Variants in CLSTN2 observed in about 807,000 individuals in gnomAD.
The protein encoded by CLSTN2 is calsyntenin 2.
A neutral mutation model predicts 101.2 loss-of-function variants in CLSTN2; 48 were observed. That is an observed-to-expected ratio of 0.47 (90% CI 0.38 to 0.60). The LOEUF (loss-of-function observed/expected upper bound fraction) is 0.60. CLSTN2 is among the 20% of genes least tolerant of loss of function. The pLI, the probability that CLSTN2 is intolerant of heterozygous loss-of-function variation, is 0.00. For synonymous variants in CLSTN2, 481 were observed against 463.6 expected, an observed-to-expected ratio of 1.04 and a Z score of -0.48; for missense variants, 1,160 against 1,238.2, an observed-to-expected ratio of 0.94 and a Z score of 0.95.
intron 1 of CLSTN2, among the ~76,000 whole-genome samples, chr3:140,043,735 C>T (rs1269404980): frequency 6.6e-6 from 1 of 152,164 alleles, no homozygotes; most frequent in Non-Finnish European, 1.5e-5. Context: ...TTTCAGCTTT[C>T]TACATATGGC....
chr3:140,480,809 T>A (rs1392976909), intron 8 of CLSTN2, among the ~76,000 whole-genome samples: 3 of 152,270 alleles, frequency 2.0e-5, no homozygotes, highest in Non-Finnish European at 4.4e-5. Context: ...TTTTTTCTCG[T>A]AAATTTGTTG....
chr3:140,135,117 CATATATATATATATAT>C (rs66931848), intron 1 of CLSTN2, among the ~76,000 whole-genome samples: 51 of 58,108 alleles, frequency 8.8e-4, no homozygotes, highest in East Asian at 2.3e-3. Flanking sequence ...CACACACACA[CATATATATATATATAT>C]ATATATATAT....
At chr3:140,477,778 C>T (rs1317702306) in intron 8 of CLSTN2, among the ~76,000 whole-genome samples, 1 of 152,206 alleles carries the variant, frequency 6.6e-6, no homozygotes, top group African/African-American at 2.4e-5. Flanking sequence ...TATATTTCTT[C>T]ATTTGTCGAT....
chr3:140,212,663 T>C (rs9826117), intron 2 of CLSTN2, among the ~76,000 whole-genome samples: 147,240 of 152,334 alleles, frequency 0.97, 71,349 homozygotes, highest in East Asian at 1. Context: ...ATATCTCTTG[T>C]TTCACCTTTC....
At chr3:140,070,591 A>AT (rs1160637320) in intron 1 of CLSTN2, among the ~76,000 whole-genome samples, 1 of 151,886 alleles carries the variant, frequency 6.6e-6, no homozygotes, top group Non-Finnish European at 1.5e-5. Flanking sequence ...GAAAGAGTAT[A>AT]TTTTTTGGAT....
At chr3:140,016,328 A>C (rs1314289897) in intron 1 of CLSTN2, among the ~76,000 whole-genome samples, 1 of 152,208 alleles carries the variant, frequency 6.6e-6, no homozygotes, top group Non-Finnish European at 1.5e-5. Context: ...GTGGTTATAC[A>C]TTCAATTTAA....
At chr3:140,302,817 A>G (rs1018594811) in intron 2 of CLSTN2, among the ~76,000 whole-genome samples, 2 of 152,178 alleles carry the variant, frequency 1.3e-5, no homozygotes, top group African/African-American at 2.4e-5. Context: ...AGACAGAGAA[A>G]GGTGGCTTGT....
chr3:140,326,592 AT>A (rs1234856894), intron 2 of CLSTN2, among the ~76,000 whole-genome samples: 2 of 152,204 alleles, frequency 1.3e-5, no homozygotes, highest in East Asian at 3.8e-4. Context: ...ATTCAAGGCT[AT>A]GGTTTATTTT....
At chr3:140,429,430 T>G (rs2088605080) in intron 5 of CLSTN2, among the ~76,000 whole-genome samples, 1 of 152,044 alleles carries the variant, frequency 6.6e-6, no homozygotes, top group African/African-American at 2.4e-5. Context: ...AATACTGGGC[T>G]TTAGCACAGA....
intron 1 of CLSTN2, among the ~76,000 whole-genome samples, chr3:139,991,725 A>G (rs1286572234): frequency 6.6e-6 from 1 of 152,246 alleles, no homozygotes; most frequent in Admixed American, 6.5e-5. Flanking sequence ...AACTTGACTC[A>G]AACTGGCTCG....
At chr3:140,370,202 C>G (rs2087835161) in intron 2 of CLSTN2, among the ~76,000 whole-genome samples, 1 of 152,198 alleles carries the variant, frequency 6.6e-6, no homozygotes, top group Admixed American at 6.5e-5. Context: ...TTCAATTACT[C>G]ACCATTGAGG....
intron 2 of CLSTN2, among the ~76,000 whole-genome samples, chr3:140,254,879 AAAT>A (rs1298406067): frequency 6.6e-6 from 1 of 152,142 alleles, no homozygotes; most frequent in African/African-American, 2.4e-5. Context: ...ACAACCTACA[AAAT>A]GGGGGAAAAT....
intron 2 of CLSTN2, among the ~76,000 whole-genome samples, chr3:140,380,735 T>A (rs2087971887): frequency 6.6e-6 from 1 of 152,198 alleles, no homozygotes; most frequent in African/African-American, 2.4e-5. Context: ...CACCATCTGC[T>A]GGAACCAATC....
intron 1 of CLSTN2, among the ~76,000 whole-genome samples, chr3:140,173,450 G>A (rs1019937775): frequency 2.0e-5 from 3 of 152,184 alleles, no homozygotes; most frequent in Admixed American, 2.0e-4. Flanking sequence ...AGGCACAGGT[G>A]CAAGTGTCAG....
intron 1 of CLSTN2, among the ~76,000 whole-genome samples, chr3:139,994,471 C>T (rs1341061038): frequency 1.3e-5 from 2 of 152,186 alleles, no homozygotes; most frequent in Non-Finnish European, 2.9e-5. Flanking sequence ...TTTGTGCTCA[C>T]TCCACTGCCC....
At chr3:140,119,114 G>C (rs2009296110) in intron 1 of CLSTN2, among the ~76,000 whole-genome samples, 1 of 152,224 alleles carries the variant, frequency 6.6e-6, no homozygotes, top group Admixed American at 6.5e-5. Context: ...AGTGGGGTTT[G>C]AGATGTCATA....
intron 2 of CLSTN2, among the ~76,000 whole-genome samples, chr3:140,254,702 G>A (rs928759228): frequency 7.2e-5 from 11 of 152,078 alleles, no homozygotes; most frequent in African/African-American, 2.7e-4. Flanking sequence ...AGACTTAAAT[G>A]TAAAATCTAA....
chr3:140,351,179 T>G (rs2087601745), intron 2 of CLSTN2, among the ~76,000 whole-genome samples: 1 of 152,194 alleles, frequency 6.6e-6, no homozygotes, highest in African/African-American at 2.4e-5. Flanking sequence ...AAATAAAATT[T>G]TCAAAAGTGT....
chr3:140,523,096 G>A (rs552714892), intron 8 of CLSTN2, among the ~76,000 whole-genome samples: 3 of 151,990 alleles, frequency 2.0e-5, no homozygotes, highest in East Asian at 3.9e-4. Context: ...GGATTTCTAC[G>A]GCATGTGAAC....
Sources: allele counts gnomAD v4.1 joint callset (sites outside exome capture counted in the v4.1 genomes callset), GRCh38; gene constraint gnomAD v4.1.1; transcripts MANE v1.5; gene names NCBI Gene and HGNC (gene_info 2026-07-23, HGNC 2026-07-21).